The following CEP128 variants were observed in gnomAD, a reference collection of about 807,000 sequenced individuals.
The protein encoded by CEP128 is centrosomal protein 128.
A neutral mutation model predicts 156.7 loss-of-function variants in CEP128; 132 were observed. The observed-to-expected ratio is 0.84, with a 90% CI of 0.73 to 0.97. The LOEUF (loss-of-function observed/expected upper bound fraction) is 0.97, where lower values mean the gene tolerates loss of function less well. CEP128 is among the 50% of genes least tolerant of loss of function. The pLI, the probability that CEP128 is intolerant of heterozygous loss-of-function variation, is 0.00. For missense variants in CEP128, 1,252 were observed against 1,281.9 expected (o/e 0.98, Z 0.36); for synonymous variants, 469 against 448.9 (o/e 1.04, Z -0.57).
At chr14:80,955,986 G>A (rs1886656462) in intron 2 of CEP128, 2 of 1,013,226 alleles carry the variant, frequency 2.0e-6, no homozygotes, top group African/African-American at 3.2e-5. Context: ...GAATGTCTGT[G>A]TGTGTAGATG....
chr14:80,622,469 A>T (rs1044053253), intron 19 of CEP128, among the ~76,000 whole-genome samples: 1 of 149,204 alleles, frequency 6.7e-6, no homozygotes, highest in Non-Finnish European at 1.5e-5. Flanking sequence ...GGATCTAATT[A>T]AACTAAAGAG....
intron 19 of CEP128, among the ~76,000 whole-genome samples, chr14:80,585,009 T>A (rs17110818): frequency 0.16 from 24,366 of 152,230 alleles, 2,269 homozygotes; most frequent in East Asian, 0.21. Flanking sequence ...GTGGTGAAAT[T>A]TGCTTCCATC....
At chr14:80,791,745 T>C (rs1389863313) in intron 14 of CEP128, among the ~76,000 whole-genome samples, 1 of 152,134 alleles carries the variant, frequency 6.6e-6, no homozygotes, top group African/African-American at 2.4e-5. Flanking sequence ...CCACAGTGAG[T>C]GCAAAATGAT....
chr14:80,905,659 A>G (rs1233028373), intron 5 of CEP128: 1 of 268,090 alleles, frequency 3.7e-6, no homozygotes, highest in African/African-American at 2.3e-5. Flanking sequence ...AGTGTATCAC[A>G]TAGCGAATTT....
At chr14:80,602,960 C>A (rs2140539329) in intron 19 of CEP128, among the ~76,000 whole-genome samples, 1 of 152,196 alleles carries the variant, frequency 6.6e-6, no homozygotes, top group Middle Eastern at 3.4e-3. Flanking sequence ...GAAATTAGAA[C>A]ATACTTTGAG....
intron 15 of CEP128, among the ~76,000 whole-genome samples, chr14:80,779,752 C>G (rs1402262367): frequency 6.6e-6 from 1 of 152,178 alleles, no homozygotes; most frequent in Non-Finnish European, 1.5e-5. Context: ...TATTTACCAG[C>G]ACACCAATGC....
At chr14:80,779,117 C>T (rs1047676107) in intron 15 of CEP128, among the ~76,000 whole-genome samples, 6 of 152,158 alleles carry the variant, frequency 3.9e-5, no homozygotes, top group African/African-American at 1.4e-4. Context: ...ACTAGAAATG[C>T]TAACAAAACA....
chr14:80,713,259 AT>A (rs1897478926), intron 19 of CEP128, among the ~76,000 whole-genome samples: 1 of 151,930 alleles, frequency 6.6e-6, no homozygotes, highest in African/African-American at 2.4e-5. Flanking sequence ...ACCAGACCAC[AT>A]TTTCCGCGGT....
intron 13 of CEP128, among the ~76,000 whole-genome samples, chr14:80,796,259 G>C (rs1414033788): frequency 6.6e-6 from 1 of 152,142 alleles, no homozygotes; most frequent in African/African-American, 2.4e-5. Flanking sequence ...AGGAGTTCGA[G>C]ATTAGCCTGG....
At chr14:80,795,305 T>A (rs961112402) in intron 13 of CEP128, among the ~76,000 whole-genome samples, 2 of 152,192 alleles carry the variant, frequency 1.3e-5, no homozygotes, top group African/African-American at 4.8e-5. Flanking sequence ...TAATTACCAA[T>A]CTAATCAGCT....
chr14:80,703,297 C>G (rs1361743569), intron 19 of CEP128, among the ~76,000 whole-genome samples: 1 of 151,964 alleles, frequency 6.6e-6, no homozygotes, highest in Non-Finnish European at 1.5e-5. Context: ...AAGTATTGTC[C>G]ATAAATTCTA....
At chr14:80,730,008 A>G (rs773810360) in intron 19 of CEP128, among the ~76,000 whole-genome samples, 3 of 152,218 alleles carry the variant, frequency 2.0e-5, no homozygotes, top group Admixed American at 6.5e-5. Context: ...CTGATGTGGA[A>G]TAAGAGATGG....
chr14:80,646,559 C>T (rs1894641370), intron 19 of CEP128, among the ~76,000 whole-genome samples: 1 of 151,590 alleles, frequency 6.6e-6, no homozygotes, highest in South Asian at 2.1e-4. Flanking sequence ...AATGATTTGC[C>T]TAAATCTGTA....
At chr14:80,656,268 T>G (rs115631841) in intron 19 of CEP128, among the ~76,000 whole-genome samples, 1,959 of 104,700 alleles carry the variant, frequency 0.019, 132 homozygotes, top group African/African-American at 0.066. Context: ...TCAATAAACC[T>G]AAGTTTTTAT....
At chr14:80,543,728 C>T (rs1443725365) in intron 21 of CEP128, among the ~76,000 whole-genome samples, 1 of 152,174 alleles carries the variant, frequency 6.6e-6, no homozygotes, top group African/African-American at 2.4e-5. Flanking sequence ...CAAATGAAAG[C>T]CATGCATTCA....
intron 19 of CEP128, among the ~76,000 whole-genome samples, chr14:80,648,672 TAA>T (rs1555386395): frequency 6.6e-6 from 1 of 152,118 alleles, no homozygotes; most frequent in Non-Finnish European, 1.5e-5. Context: ...GTGAAGGATA[TAA>T]GAGTGGTAAA....
intron 19 of CEP128, among the ~76,000 whole-genome samples, chr14:80,697,444 T>C (rs1896928100): frequency 1.3e-5 from 2 of 152,112 alleles, no homozygotes; most frequent in Admixed American, 6.5e-5. Flanking sequence ...ATATCTGAAA[T>C]TGGGAATTCT....
At chr14:80,748,896 C>G (rs2139627973) in intron 18 of CEP128, among the ~76,000 whole-genome samples, 1 of 152,280 alleles carries the variant, frequency 6.6e-6, no homozygotes, top group African/African-American at 2.4e-5. Context: ...TACACTCACC[C>G]TAGGCCAGAA....
chr14:80,485,913 A>C (rs1219498726), downstream of CEP128, among the ~76,000 whole-genome samples: 2 of 152,238 alleles, frequency 1.3e-5, no homozygotes, highest in Non-Finnish European at 2.9e-5. Context: ...AAAAGACATT[A>C]TCTACATTAC....
Sources: allele counts gnomAD v4.1 joint callset (sites outside exome capture counted in the v4.1 genomes callset), GRCh38; gene constraint gnomAD v4.1.1; transcripts MANE v1.5; gene names NCBI Gene and HGNC (gene_info 2026-07-23, HGNC 2026-07-21).